The following SLCO1B1 variants were observed in gnomAD, a reference collection of about 807,000 sequenced individuals.
SLCO1B1 encodes OATP-2.
A neutral mutation model predicts 70.1 loss-of-function variants in SLCO1B1; 81 were observed. That is an observed-to-expected ratio of 1.16 (90% CI 0.97 to 1.39). SLCO1B1 has a LOEUF of 1.39. SLCO1B1 is among the 40% of genes most tolerant of loss of function. The probability of loss-of-function intolerance (pLI) is 0.00; values close to 1 mark genes in which losing one functional copy is unlikely to be tolerated. For synonymous variants in SLCO1B1, 283 were observed against 271.5 expected (o/e 1.04, Z -0.42); for missense variants, 895 against 799.6 (o/e 1.12, Z -1.44).
intron 1 of SLCO1B1, among the ~76,000 whole-genome samples, chr12:21,140,645 T>C (rs1940295521): frequency 6.6e-6 from 1 of 151,980 alleles, no homozygotes; most frequent in Non-Finnish European, 1.5e-5. Context: ...TATGGACAAC[T>C]TAATACCCTG....
intron 14 of SLCO1B1, among the ~76,000 whole-genome samples, chr12:21,227,672 G>T (rs1356533192): frequency 2.0e-5 from 3 of 151,896 alleles, no homozygotes; most frequent in African/African-American, 7.3e-5. Context: ...ATTTTTTATT[G>T]AAATCATCAT....
At chr12:21,199,039 G>T (rs1240422785) in intron 8 of SLCO1B1, among the ~76,000 whole-genome samples, 1 of 152,024 alleles carries the variant, frequency 6.6e-6, no homozygotes, top group African/African-American at 2.4e-5. Flanking sequence ...TTTTGCCCAA[G>T]AATTTTAAAT....
intron 2 of SLCO1B1, among the ~76,000 whole-genome samples, chr12:21,154,185 A>G (rs1360877899): frequency 6.6e-6 from 1 of 152,004 alleles, no homozygotes; most frequent in Non-Finnish European, 1.5e-5. Context: ...GCATGATTCT[A>G]TGATCTGAAT....
At chr12:21,170,324 G>A (rs1465916259) in intron 2 of SLCO1B1, among the ~76,000 whole-genome samples, 1 of 152,126 alleles carries the variant, frequency 6.6e-6, no homozygotes, top group Admixed American at 6.5e-5. Flanking sequence ...TTGTTTTCAC[G>A]ATAGCCTGGA....
chr12:21,238,077 A>G (rs1195202988), intron 14 of SLCO1B1, among the ~76,000 whole-genome samples: 1 of 151,934 alleles, frequency 6.6e-6, no homozygotes, highest in Non-Finnish European at 1.5e-5. Context: ...TAACCTTTCC[A>G]TTACACCCAC....
chr12:21,202,352 T>C (rs1364904531), intron 9 of SLCO1B1, 139 bp from the exon 10 acceptor site: 1 of 630,720 alleles, frequency 1.6e-6, no homozygotes. Context: ...ATTCTGCACA[T>C]GTATCCCAGA....
chr12:21,215,742 A>G (rs1941349812), intron 11 of SLCO1B1, among the ~76,000 whole-genome samples: 1 of 152,292 alleles, frequency 6.6e-6, no homozygotes, highest in South Asian at 2.1e-4. Context: ...GTTAAGAAAG[A>G]GTCCTTCTTT....
chr12:21,158,007 G>A (rs1318140658), intron 2 of SLCO1B1, among the ~76,000 whole-genome samples: 2 of 152,138 alleles, frequency 1.3e-5, no homozygotes, highest in African/African-American at 4.8e-5. Context: ...TTATTCAACT[G>A]AAATAGTTTT....
chr12:21,233,394 T>A (rs527884269), intron 14 of SLCO1B1, among the ~76,000 whole-genome samples: 1 of 152,000 alleles, frequency 6.6e-6, no homozygotes, highest in African/African-American at 2.4e-5. Flanking sequence ...AACCACGACT[T>A]CTAACCAAGA....
At chr12:21,186,549 A>G (rs1055853225) in intron 7 of SLCO1B1, among the ~76,000 whole-genome samples, 1 of 152,112 alleles carries the variant, frequency 6.6e-6, no homozygotes, top group African/African-American at 2.4e-5. Context: ...TAAGAAACTG[A>G]GAAAAGTCAC....
intron 2 of SLCO1B1, among the ~76,000 whole-genome samples, chr12:21,170,186 A>G (rs773692543): frequency 3.9e-5 from 6 of 152,118 alleles, no homozygotes; most frequent in Non-Finnish European, 7.4e-5. Context: ...TCCTTGGGCA[A>G]CCTCCCTAAA....
chr12:21,236,825 C>G (rs1437446951), intron 14 of SLCO1B1, among the ~76,000 whole-genome samples: 1 of 152,094 alleles, frequency 6.6e-6, no homozygotes, highest in Non-Finnish European at 1.5e-5. Context: ...ATTTGATGTC[C>G]CTGGTCAGCC....
intron 7 of SLCO1B1, among the ~76,000 whole-genome samples, chr12:21,187,309 G>A (rs1182116375): frequency 6.6e-6 from 1 of 152,076 alleles, no homozygotes; most frequent in Non-Finnish European, 1.5e-5. Context: ...CATACAAAAG[G>A]AAGGTCTGAA....
chr12:21,237,690 T>G (rs1941608588), intron 14 of SLCO1B1, among the ~76,000 whole-genome samples: 2 of 151,658 alleles, frequency 1.3e-5, no homozygotes, highest in South Asian at 4.2e-4. Flanking sequence ...ATATAGTGTC[T>G]GACATTAATT....
At chr12:21,158,367 CAT>C (rs1940569200) in intron 2 of SLCO1B1, among the ~76,000 whole-genome samples, 3 of 151,930 alleles carry the variant, frequency 2.0e-5, no homozygotes, top group South Asian at 4.2e-4. Context: ...AGAATAAAAA[CAT>C]AGTTTTTCAA....
rs1941177262 is a variant in SLCO1B1, at chr12:21,203,157, T to A, written c.1331+471T>A. 2.0e-5 allele frequency among the ~76,000 whole-genome samples: 3 copies of A among 152,250 alleles called. No homozygotes were observed. The South Asian group carries it at 6.2e-4, about 31-fold the overall frequency. On this transcript the variant is annotated intron_variant, in intron 10 of 14. Transcript: ENST00000256958. ...AACTTTTATCTACAGTTCATATCGATGTTCAACAACTATCTTAACAAAAGA... is the reference window on the plus strand; with the variant it reads ...AACTTTTATCTACAGTTCATATCGAAGTTCAACAACTATCTTAACAAAAGA...
chr12:21,158,413 T>C (rs998071994), intron 2 of SLCO1B1, among the ~76,000 whole-genome samples: 1 of 152,216 alleles, frequency 6.6e-6, no homozygotes, highest in African/African-American at 2.4e-5. Flanking sequence ...TTTCTCACAT[T>C]AGGCTAGGTG....
At chr12:21,205,815 GTCTTTT>G in intron 10 of SLCO1B1, 47 bp from the exon 11 acceptor site, 1 of 1,315,982 alleles carries the variant, frequency 7.6e-7, no homozygotes, top group East Asian at 2.5e-5. Context: ...CCCCTTCTTT[GTCTTTT>G]TCTTCTCTCT....
In SLCO1B1 at chr12:21,143,191, G is replaced by T. The variant is rs1401571043; in HGVS notation, c.84+1533G>T. ...ATTTCTGAGCTTACTTTTTATTCAT[G>T]AGAAATGAAAACATAATGGGAGAAA... On this transcript the variant is annotated intron_variant, in intron 2 of 14. Transcript: ENST00000256958. 2.6e-5 allele frequency among the ~76,000 whole-genome samples: 4 copies of T among 151,992 alleles called. No individual in the cohort carries two copies. In the East Asian group the frequency reaches 5.8e-4, roughly 22 times the overall value.
Sources: gnomAD v4.1 joint callset for allele counts (sites outside exome capture counted in the v4.1 genomes callset) on GRCh38, gnomAD v4.1.1 for gene constraint, MANE v1.5 for transcripts, NCBI Gene and HGNC (gene_info 2026-07-23, HGNC 2026-07-21) for gene names.